Variants in FTL observed in about 807,000 individuals in gnomAD.
FTL encodes the protein epididymis secretory sperm binding protein.
In FTL, 17 loss-of-function variants were observed where a neutral mutation model predicts 16.6. The ratio of observed to expected loss-of-function variants is 1.02; its 90% CI spans 0.70 to 1.53. The LOEUF (loss-of-function observed/expected upper bound fraction) is 1.53, where lower values mean the gene tolerates loss of function less well. FTL is among the 40% of genes most tolerant of loss of function. The pLI is 0.00. For missense variants in FTL, 186 were observed against 226.1 expected, an observed-to-expected ratio of 0.82 and a Z score of 1.14; for synonymous variants, 73 against 89.9, an observed-to-expected ratio of 0.81 and a Z score of 1.06.
At position 48,965,907 on chromosome 19, in the gene FTL, G is replaced by T. The variant is rs1473736493; in HGVS notation, c.240G>T (p.Gln80His). The T allele has an allele frequency of 6.2e-7, 1 of 1,614,118 alleles. No homozygotes were observed. The change falls in exon 2 of 4, where the codon CAG becomes CAT. Residue 80 changes from glutamine to histidine, a missense_variant. Coordinates refer to ENST00000331825, the MANE Select transcript of FTL (RefSeq NM_000146.4). Reference sequence around the variant, plus strand: ...AGCGTGGCGGCCGCGCTCTCTTCCAGGACATCAAGGTAACTAGTGTGTGGG... The same window carrying T: ...AGCGTGGCGGCCGCGCTCTCTTCCATGACATCAAGGTAACTAGTGTGTGGG... ...QNQRGGRALF[Q>H]DIKKPAEDEW...
At chr19:48,965,677 G>A (rs1195580020) in intron 1 of FTL, 68 bp downstream of exon 1, 7 of 1,604,660 alleles carry the variant, frequency 4.4e-6, no homozygotes, top group South Asian at 1.1e-5. Flanking sequence ...CACTGCACGC[G>A]CCAGCCTTCT....
Position 48,965,359 on chromosome 19 carries a change from G to C in FTL, c.-149G>C, listed in dbSNP as rs398124638. 1 of 696,300 alleles carries C rather than the reference G, an allele frequency of 1.4e-6. No homozygotes were observed. Among genetic ancestry groups the C allele is most frequent in the Non-Finnish European group, 2.6e-6 (1 of 382,492 alleles). 43.1% of individuals were successfully genotyped at this position (696,300 alleles called of 1,614,324 possible). A position where few individuals can be genotyped will look rare whatever the true frequency, so the allele number is the denominator to read the frequency against. On this transcript the variant is annotated 5_prime_UTR_variant, in exon 1 of 4. Transcript: ENST00000331825. Reference sequence around the variant, plus strand: ...TCTCTTGCTTCAACAGTGTTTGGACGGAACAGATCCGGGGACTCTCTTCCA... The same window carrying C: ...TCTCTTGCTTCAACAGTGTTTGGACCGAACAGATCCGGGGACTCTCTTCCA...
At chr19:48,966,534 C>G in intron 3 of FTL, 49 bp from the exon 4 acceptor site, 1 of 1,612,598 alleles carries the variant, frequency 6.2e-7, no homozygotes, top group Non-Finnish European at 8.5e-7. Flanking sequence ...TGCTCTCTCC[C>G]CCTCTTTTCC....
At chr19:48,965,682 CCTT>C in intron 1 of FTL, 73 bp downstream of exon 1, 3 of 1,606,124 alleles carry the variant, frequency 1.9e-6, no homozygotes, top group Admixed American at 1.7e-5. Context: ...CACGCGCCAG[CCTT>C]CTTTGTGCGG....
chr19:48,966,016 T>A, intron 2 of FTL, 100 bp downstream of exon 2: 1 of 1,476,058 alleles, frequency 6.8e-7, no homozygotes, highest in South Asian at 1.2e-5. Flanking sequence ...TCTGGGAGAT[T>A]GAGTTCGGTC....
Position 48,965,756 on chromosome 19 carries a change from A to C in FTL, c.103-14A>C, listed in dbSNP as rs769222073. 16 of 1,613,808 alleles carry C rather than the reference A, an allele frequency of 9.9e-6. No homozygotes were observed. In the South Asian group the frequency reaches 1.4e-4, roughly 14 times the overall value. ...CCTCCCGCTAACCATTGTTGCCTCC[A>C]TCTCTTCCCGTAGGGCTTCTATTTC... On this transcript the variant is annotated splice_polypyrimidine_tract_variant and intron_variant, in intron 1 of 3. Transcript: ENST00000331825.
intron 1 of FTL, 21 bp downstream of exon 1, chr19:48,965,630 T>C (rs1395372731): frequency 6.2e-7 from 1 of 1,605,210 alleles, no homozygotes; most frequent in South Asian, 1.1e-5. Context: ...AGGACGCCCC[T>C]GGCCCTAATT....
Position 48,965,438 on chromosome 19 carries a change from C to G in FTL, c.-70C>G. The G allele has an allele frequency of 2.9e-6, 3 of 1,031,714 alleles. No homozygotes were observed. Among genetic ancestry groups the G allele is most frequent in the Non-Finnish European group, 3.0e-6 (2 of 660,494 alleles). The allele number at this position is 1,031,714 out of a possible 1,614,324, so 63.9% of individuals were successfully genotyped here. A position where few individuals can be genotyped will look rare whatever the true frequency, so the allele number is the denominator to read the frequency against. ...CGCTTGCAACCTCCGGGACCATCTT[C>G]TCGGCCATCTCCTGCTTCTGGGACC... On this transcript the variant is annotated 5_prime_UTR_variant, in exon 1 of 4. Coordinates refer to ENST00000331825, the MANE Select transcript of FTL (RefSeq NM_000146.4).
intron 3 of FTL, 54 bp downstream of exon 3, chr19:48,966,460 C>T (rs951032216): frequency 8.1e-6 from 13 of 1,613,968 alleles, no homozygotes; most frequent in Admixed American, 1.7e-5. Flanking sequence ...AGCCTCTGCT[C>T]CCTTTGGGCA....
rs1411676083 is a variant in FTL at position 48,965,498 on chromosome 19, C to T, written c.-10C>T. On this transcript the variant is annotated 5_prime_UTR_variant, in exon 1 of 4. Coordinates refer to ENST00000331825, the MANE Select transcript of FTL (RefSeq NM_000146.4). ...CGTTTTTGTGGTTAGCTCCTTCTTG[C>T]CAACCAACCATGAGCTCCCAGATTC... 3.1e-6 allele frequency: 5 copies of T among 1,603,962 alleles called. No individual in the cohort carries two copies. The highest frequency in any genetic ancestry group is 3.3e-5 in the Admixed American group (2 of 59,980).
chr19:48,966,019 G>A (rs776041060), intron 2 of FTL, 103 bp downstream of exon 2: 4 of 1,456,282 alleles, frequency 2.7e-6, no homozygotes, highest in South Asian at 2.4e-5. Flanking sequence ...GGGAGATTGA[G>A]TTCGGTCTTG....
chr19:48,965,401 C>T lies in FTL; in HGVS notation c.-107C>T. 2.5e-6 allele frequency: 2 copies of T among 790,230 alleles called. No individual in the cohort carries two copies. Among genetic ancestry groups the T allele is most frequent in the Non-Finnish European group, 4.5e-6 (2 of 449,046 alleles). The allele number at this position is 790,230 out of a possible 1,614,324, so 49.0% of individuals were successfully genotyped here. On this transcript the variant is annotated 5_prime_UTR_variant, in exon 1 of 4. Coordinates refer to ENST00000331825, the MANE Select transcript of FTL (RefSeq NM_000146.4). ...TCTCTTCCAGCCTCCGACCGCCCTC[C>T]GATTTCCTCTCCGCTTGCAACCTCC...
rs1303233188 is a variant in FTL, at chr19:48,966,324, A to G, written c.293A>G (p.Lys98Arg). Reference protein sequence around the residue: ...DEWGKTPDAMKAAMALEKKLN... With the variant: ...DEWGKTPDAMRAAMALEKKLN... Reference sequence around the variant, plus strand: ...TGGGGTAAAACCCCAGACGCCATGAAAGCTGCCATGGCCCTGGAGAAAAAG... The same window carrying G: ...TGGGGTAAAACCCCAGACGCCATGAGAGCTGCCATGGCCCTGGAGAAAAAG... The change falls in exon 3 of 4, where the codon AAA (lysine) becomes AGA (arginine). Residue 98 changes from lysine (K) to arginine (R), a missense_variant. Transcript: ENST00000331825. 6.2e-7 allele frequency: 1 copy of G among 1,613,996 alleles called. No individual in the cohort carries two copies. The highest frequency in any genetic ancestry group is 8.5e-7 in the Non-Finnish European group (1 of 1,180,016).
At position 48,965,843 on chromosome 19, in the gene FTL, AGC is replaced by A; in HGVS notation, c.180_181del (p.Glu61GlyfsTer26). 1 of 1,614,176 alleles carries A rather than the reference AGC, an allele frequency of 6.2e-7. No individual in the cohort carries two copies. Among genetic ancestry groups the A allele is most frequent in the South Asian group, 1.1e-5 (1 of 91,090 alleles). On this transcript the variant is annotated frameshift_variant, in exon 2 of 4. Transcript: ENST00000331825. ...TTCTTCCGCGAATTGGCCGAGGAGAAGCGCGAGGGCTACGAGCGTCTCCTGAA... is the reference window on the plus strand; with the variant it reads ...TTCTTCCGCGAATTGGCCGAGGAGAAGCGAGGGCTACGAGCGTCTCCTGAA...
At chr19:48,966,035 C>T in intron 2 of FTL, 119 bp downstream of exon 2, 1 of 1,363,434 alleles carries the variant, frequency 7.3e-7, no homozygotes, top group African/African-American at 1.4e-5. Flanking sequence ...TCTTGTGAGC[C>T]CTCTTAACCG....
Position 48,965,536 on chromosome 19 carries a change from C to T in FTL, c.29C>T (p.Ser10Phe), listed in dbSNP as rs11553205. Residue 10 changes from serine to phenylalanine, a missense_variant, in exon 1 of 4, where the codon TCC becomes TTC. Ser to Phe is a radical substitution (Grantham distance 155). Transcript: ENST00000331825. MSSQIRQNYSTDVEAAVNSL... is the reference protein window; with the variant it reads MSSQIRQNYFTDVEAAVNSL... ...AGCTCCCAGATTCGTCAGAATTATT[C>T]CACCGACGTGGAGGCAGCCGTCAAC... 1 of 1,613,976 alleles carries T rather than the reference C, an allele frequency of 6.2e-7. No individual in the cohort carries two copies. The highest frequency in any genetic ancestry group is 2.2e-5 in the East Asian group (1 of 44,868).
Position 48,966,852 on chromosome 19 carries a change from C to T in FTL, c.*117C>T. On this transcript the variant is annotated 3_prime_UTR_variant, in exon 4 of 4. Coordinates refer to ENST00000331825, the MANE Select transcript of FTL (RefSeq NM_000146.4). ...CTTAACTATCCTAACAAGCCTTGGA[C>T]CAAATGGAAATAAAGCTTTTTGATG... 9.0e-7 allele frequency: 1 copy of T among 1,109,382 alleles called. No individual in the cohort carries two copies. Among genetic ancestry groups the T allele is most frequent in the Non-Finnish European group, 1.3e-6 (1 of 743,900 alleles). The allele number at this position is 1,109,382 out of a possible 1,614,324, so 68.7% of individuals were successfully genotyped here.
chr19:48,965,929 T>C lies in FTL; in HGVS notation c.249+13T>C. 1 of 1,613,870 alleles carries C rather than the reference T, an allele frequency of 6.2e-7. No homozygotes were observed. Among genetic ancestry groups the C allele is most frequent in the Non-Finnish European group, 8.5e-7 (1 of 1,179,860 alleles). On this transcript the variant is annotated intron_variant, in intron 2 of 3. Transcript: ENST00000331825. ...CCAGGACATCAAGGTAACTAGTGTG[T>C]GGGTAATGGACTACATCTCCCAGCA...
At chr19:48,966,066 C>CG (rs2038450197) in intron 2 of FTL, 150 bp downstream of exon 2, 1 of 1,213,256 alleles carries the variant, frequency 8.2e-7, no homozygotes, top group African/African-American at 1.5e-5. Context: ...AGGCGCACCT[C>CG]GTGCAGTGCC....
Sources: allele counts gnomAD v4.1 joint callset, GRCh38; gene constraint gnomAD v4.1.1; transcripts MANE v1.5; gene names NCBI Gene and HGNC (gene_info 2026-07-23, HGNC 2026-07-21).